CFAP54: variants seen among roughly 807,000 people sequenced by gnomAD.
The protein encoded by CFAP54 is cilia and flagella associated protein 54, also known as cilia- and flagella-associated protein 54.
Under a neutral mutation model 370.4 loss-of-function variants are expected in CFAP54, and 290 were observed. The ratio of observed to expected loss-of-function variants is 0.78; its 90% CI spans 0.71 to 0.86. The LOEUF (loss-of-function observed/expected upper bound fraction) is 0.86. CFAP54 is among the 40% of genes least tolerant of loss of function. The pLI is 0.00. For missense variants in CFAP54, 3,399 were observed against 3,528.7 expected, an observed-to-expected ratio of 0.96 and a Z score of 0.93; for synonymous variants, 1,206 against 1,236.5, an observed-to-expected ratio of 0.98 and a Z score of 0.52.
chr12:96,639,788 T>C (rs1346350525), intron 32 of CFAP54, among the ~76,000 whole-genome samples: 1 of 152,200 alleles, frequency 6.6e-6, no homozygotes, highest in East Asian at 1.9e-4. Flanking sequence ...TGCAAATCAA[T>C]AAATGTAATC....
chr12:96,564,036 C>A (rs951159136), intron 17 of CFAP54, among the ~76,000 whole-genome samples: 17 of 152,136 alleles, frequency 1.1e-4, no homozygotes, highest in African/African-American at 4.1e-4. Context: ...TGGAGGTCTT[C>A]GTGTGTTACC....
At chr12:96,625,688 AC>A in intron 28 of CFAP54, 29 bp from the exon 29 acceptor site, 1 of 1,440,356 alleles carries the variant, frequency 6.9e-7, no homozygotes, top group Non-Finnish European at 9.4e-7. Flanking sequence ...ACTAAACAGA[AC>A]ATACAACTTT....
At chr12:96,761,873 G>C (rs1037831192) in intron 58 of CFAP54, among the ~76,000 whole-genome samples, 21 of 152,124 alleles carry the variant, frequency 1.4e-4, no homozygotes, top group African/African-American at 4.6e-4. Context: ...AGTTTCCACT[G>C]TCTTGGTTCC....
chr12:96,743,943 AACTT>A, intron 54 of CFAP54, 33 bp downstream of exon 54: 2 of 1,602,122 alleles, frequency 1.2e-6, no homozygotes, highest in African/African-American at 2.7e-5. Context: ...GAGACATAGA[AACTT>A]ACTTTTCTCT....
At chr12:96,509,801 G>A (rs559483957) in intron 4 of CFAP54, among the ~76,000 whole-genome samples, 1 of 140,994 alleles carries the variant, frequency 7.1e-6, no homozygotes, top group Admixed American at 7.3e-5. Context: ...GGGTGACAGA[G>A]CAAGTCTCCA....
intron 60 of CFAP54, among the ~76,000 whole-genome samples, chr12:96,777,028 G>A (rs1267768643): frequency 6.6e-6 from 1 of 152,148 alleles, no homozygotes; most frequent in Non-Finnish European, 1.5e-5. Flanking sequence ...CCCGTCAGTT[G>A]TTTCCCTGGA....
chr12:96,663,701 GC>G lies in CFAP54; in HGVS notation c.5461-128del, dbSNP rs1362027990. On this transcript the variant is annotated intron_variant, in intron 38 of 67. Transcript: ENST00000524981. ...CTCATGATTAGACACTATTCTGCCA[GC>G]TTTTTTTGTAGCATTGTTATGTATC... 4.7e-6 allele frequency: 3 copies of G among 637,332 alleles called. No homozygotes were observed. The Admixed American group carries it at 9.4e-5, about 20-fold the overall frequency. The allele number at this position is 637,332 out of a possible 1,614,324, so 39.5% of individuals were successfully genotyped here. A position where few individuals can be genotyped will look rare whatever the true frequency, so the allele number is the denominator to read the frequency against.
Position 96,554,265 on chromosome 12 carries a change from C to A in CFAP54, c.2238C>A (p.Thr746=). ...GAATAAATTTGAATTGCATGTTAAC[C>A]TCTTTGCCAAATGGATCATCAGTAA... ...IGGINLNCML[T]SLPNGSSVID... Residue 746 remains threonine, a synonymous_variant, in exon 16 of 68, where the codon ACC becomes ACA. Coordinates refer to ENST00000524981, the MANE Select transcript of CFAP54 (RefSeq NM_001306084.2). 1 of 1,528,476 alleles carries A rather than the reference C, an allele frequency of 6.5e-7. No homozygotes were observed. The highest frequency in any genetic ancestry group is 8.7e-7 in the Non-Finnish European group (1 of 1,143,352). The allele number at this position is 1,528,476 out of a possible 1,614,324, so 94.7% of individuals were successfully genotyped here. A position where few individuals can be genotyped will look rare whatever the true frequency, so the allele number is the denominator to read the frequency against.
chr12:96,531,145 T>C (rs966959874), intron 9 of CFAP54, among the ~76,000 whole-genome samples: 3 of 152,164 alleles, frequency 2.0e-5, no homozygotes, highest in Non-Finnish European at 4.4e-5. Context: ...CCATTTTTCA[T>C]TGCTTCTTTC....
intron 36 of CFAP54, among the ~76,000 whole-genome samples, chr12:96,656,280 G>A (rs998440385): frequency 2.0e-5 from 3 of 151,890 alleles, no homozygotes; most frequent in African/African-American, 7.3e-5. Context: ...CCAAATTTAG[G>A]AGATCAATAG....
At chr12:96,828,264 T>A (rs1197864377) in intron 65 of CFAP54, among the ~76,000 whole-genome samples, 1 of 151,208 alleles carries the variant, frequency 6.6e-6, no homozygotes, top group Non-Finnish European at 1.5e-5. Context: ...TGTTTGTCAG[T>A]ATGAGTTGAG....
intron 39 of CFAP54, among the ~76,000 whole-genome samples, chr12:96,678,990 C>T (rs1957242070): frequency 6.6e-6 from 1 of 152,186 alleles, no homozygotes; most frequent in African/African-American, 2.4e-5. Context: ...ATGATGTATG[C>T]AGCAATGCTG....
At chr12:96,762,183 T>G (rs1958346954) in intron 58 of CFAP54, among the ~76,000 whole-genome samples, 1 of 152,188 alleles carries the variant, frequency 6.6e-6, no homozygotes, top group Admixed American at 6.5e-5. Context: ...GTCAAAGGGA[T>G]TTTTGTTTTA....
chr12:96,866,669 T>G (rs2136468648), intron 67 of CFAP54, among the ~76,000 whole-genome samples: 1 of 152,256 alleles, frequency 6.6e-6, no homozygotes, highest in East Asian at 1.9e-4. Flanking sequence ...CCCCACAAGA[T>G]TCACAAGAAT....
chr12:96,752,172 G>A (rs968505844), intron 55 of CFAP54, among the ~76,000 whole-genome samples: 5 of 147,504 alleles, frequency 3.4e-5, no homozygotes, highest in African/African-American at 1.2e-4. Context: ...CATAGCACAT[G>A]CCTGAATTAA....
At chr12:96,679,468 C>A in intron 39 of CFAP54, 132 bp from the exon 40 acceptor site, 2 of 807,890 alleles carry the variant, frequency 2.5e-6, no homozygotes, top group Non-Finnish European at 3.5e-6. Flanking sequence ...ACACCTGCTG[C>A]AGATCTGGGG....
intron 40 of CFAP54, among the ~76,000 whole-genome samples, chr12:96,683,550 T>C (rs1957293957): frequency 6.6e-6 from 1 of 152,238 alleles, no homozygotes; most frequent in South Asian, 2.1e-4. Flanking sequence ...GCTTATCATC[T>C]TTTCCTTCAC....
chr12:96,839,100 G>C (rs1959196172), intron 66 of CFAP54, among the ~76,000 whole-genome samples: 4 of 152,160 alleles, frequency 2.6e-5, no homozygotes, highest in Non-Finnish European at 5.9e-5. Context: ...TATGTGTAGT[G>C]GTTAGTGGAC....
chr12:96,546,985 GGAGCATAATCCATTT>G (rs1319012126), intron 14 of CFAP54, among the ~76,000 whole-genome samples: 1 of 152,086 alleles, frequency 6.6e-6, no homozygotes, highest in Non-Finnish European at 1.5e-5. Context: ...GATCAATATT[GGAGCATAATCCATTT>G]ATAAATTTGA....
Sources: allele counts gnomAD v4.1 joint callset (sites outside exome capture counted in the v4.1 genomes callset), GRCh38; gene constraint gnomAD v4.1.1; transcripts MANE v1.5; gene names NCBI Gene and HGNC (gene_info 2026-07-23, HGNC 2026-07-21).